SKI: variants seen among roughly 807,000 people sequenced by gnomAD.
The protein encoded by SKI is ski oncogene.
Under a neutral mutation model 59.3 loss-of-function variants are expected in SKI, and 23 were observed. That is an observed-to-expected ratio of 0.39 (90% CI 0.28 to 0.55). The LOEUF (loss-of-function observed/expected upper bound fraction) is 0.55. SKI is among the 20% of genes least tolerant of loss of function. The pLI is 0.67. For synonymous variants in SKI, 673 were observed against 488.6 expected, an observed-to-expected ratio of 1.38 and a Z score of -4.98; for missense variants, 1,017 against 1,038.9, an observed-to-expected ratio of 0.98 and a Z score of 0.29.
intron 6 of SKI, 135 bp downstream of exon 6, chr1:2,306,385 C>T (rs1245382416): frequency 9.8e-7 from 1 of 1,015,446 alleles, no homozygotes; most frequent in Non-Finnish European, 1.4e-6. Flanking sequence ...TGCGTGCCCC[C>T]CCGACGGGCA....
At chr1:2,262,414 G>A (rs111256284) in intron 1 of SKI, among the ~76,000 whole-genome samples, 1 of 150,346 alleles carries the variant, frequency 6.7e-6, no homozygotes, top group African/African-American at 2.4e-5. Flanking sequence ...TCTGGAAGGC[G>A]TGGAGTCAGA....
In SKI at chr1:2,304,100, A is replaced by G; in HGVS notation, c.1472A>G (p.Glu491Gly). Residue 491 changes from glutamate to glycine, a missense_variant and splice_region_variant, in exon 4 of 7, where the codon GAA (glutamate) becomes GGA (glycine). Coordinates refer to ENST00000378536, the MANE Select transcript of SKI (RefSeq NM_003036.4). ...GAGGTGGAAGTTGAAAGCAGGGAGG[A>G]ATGTACGTGTGAGTCGCTTTCTGTG... is the stretch of plus-strand genomic sequence containing the variant. ...EAEVEVESRE[E>G]FTSSLSSLSS... The G allele has an allele frequency of 6.2e-7, 1 of 1,612,350 alleles. No homozygotes were observed. Among genetic ancestry groups the G allele is most frequent in the South Asian group, 1.1e-5 (1 of 91,024 alleles).
chr1:2,295,857 C>T lies in SKI; in HGVS notation c.970-7121C>T, dbSNP rs1640273244. 1.3e-5 allele frequency among the ~76,000 whole-genome samples: 2 copies of T among 152,212 alleles called. 1 individual carries two copies. The highest frequency in any genetic ancestry group is 2.9e-5 in the Non-Finnish European group (2 of 68,046). On this transcript the variant is annotated intron_variant, in intron 1 of 6. Transcript: ENST00000378536. ...CTATCCCGTCATTTGTCTCTGGATG[C>T]TTGGGTGGCTGCACTTTGCTGCTGT...
At chr1:2,297,313 AC>A (rs1640308458) in intron 1 of SKI, among the ~76,000 whole-genome samples, 1 of 152,182 alleles carries the variant, frequency 6.6e-6, no homozygotes, top group Non-Finnish European at 1.5e-5. Flanking sequence ...GGAATAGCAG[AC>A]GGGTTTTCAG....
At chr1:2,301,625 C>T (rs1032172382) in intron 1 of SKI, among the ~76,000 whole-genome samples, 2 of 152,166 alleles carry the variant, frequency 1.3e-5, no homozygotes, top group African/African-American at 4.8e-5. Flanking sequence ...CCCATCTTCC[C>T]CCTAGGGAAG....
chr1:2,304,327 C>G lies in SKI; in HGVS notation c.1509C>G (p.Ser503=), dbSNP rs1338756413. The G allele has an allele frequency of 2.6e-6, 4 of 1,551,690 alleles. No individual in the cohort carries two copies. The highest frequency in any genetic ancestry group is 1.2e-5 in the South Asian group (1 of 84,070). ...TSSLSSLSSP[S]FTSSSSAKDL... is the part of the protein sequence containing the mutation. ...CCTTGTCCTCGCTCTCTTCCCCGTCCTTTACCTCATCCAGCTCCGCCAAGG... is the reference window on the plus strand; with the variant it reads ...CCTTGTCCTCGCTCTCTTCCCCGTCGTTTACCTCATCCAGCTCCGCCAAGG... The change falls in exon 5 of 7, where the codon TCC becomes TCG. Residue 503 remains serine (S), a synonymous_variant. Transcript: ENST00000378536.
intron 1 of SKI, among the ~76,000 whole-genome samples, chr1:2,274,316 G>A (rs1639695001): frequency 6.6e-6 from 1 of 152,156 alleles, no homozygotes; most frequent in Non-Finnish European, 1.5e-5. Context: ...TCCCAGGCTT[G>A]GGGCTGCCGG....
intron 5 of SKI, 82 bp from the exon 6 acceptor site, chr1:2,305,938 G>C (rs929463313): frequency 2.8e-6 from 3 of 1,071,560 alleles, no homozygotes; most frequent in East Asian, 5.2e-5. Context: ...GACCCCACGG[G>C]GTGGGCTGAG....
rs1168701289 is a variant in SKI at position 2,267,053 on chromosome 1, T to G, written c.970-35925T>G. ...CGGATGTGTTTTCCTTCTGCAATAATTTTGGCTACATTAAATTCGTTTTGT... is the reference window on the plus strand; with the variant it reads ...CGGATGTGTTTTCCTTCTGCAATAAGTTTGGCTACATTAAATTCGTTTTGT... On this transcript the variant is annotated intron_variant, in intron 1 of 6. Transcript: ENST00000378536. This position sits in a 1 kb window ranked among gnomAD's most constrained non-coding sequence, Gnocchi z 4.1. 6.6e-6 allele frequency among the ~76,000 whole-genome samples: 1 copy of G among 152,160 alleles called. No homozygotes were observed. The highest frequency in any genetic ancestry group is 1.5e-5 in the Non-Finnish European group (1 of 68,020).
intron 1 of SKI, among the ~76,000 whole-genome samples, chr1:2,301,914 C>T (rs192554451): frequency 6.6e-6 from 1 of 152,284 alleles, no homozygotes; most frequent in Admixed American, 6.5e-5. Flanking sequence ...GCCCTGGAGA[C>T]TCTGTGCTGT....
chr1:2,261,024 T>C (rs1362445902), intron 1 of SKI, among the ~76,000 whole-genome samples: 2 of 152,370 alleles, frequency 1.3e-5, no homozygotes, highest in East Asian at 3.9e-4. Context: ...TTCATTTCTT[T>C]GCCTAAGGTG....
In SKI at chr1:2,267,478, G is replaced by A. The variant is rs750431325; in HGVS notation, c.970-35500G>A. On this transcript the variant is annotated intron_variant, in intron 1 of 6. Transcript: ENST00000378536. The surrounding 1 kb of genome is among the most constrained non-coding windows in gnomAD (Gnocchi z 4.1). ...GCTGTCGGGAGACAAACCTCTTCCT[G>A]CTTCAATATCCCATTCGTTCCAGAG... 6.6e-6 allele frequency among the ~76,000 whole-genome samples: 1 copy of A among 152,220 alleles called. No individual in the cohort carries two copies. The highest frequency in any genetic ancestry group is 1.5e-5 in the Non-Finnish European group (1 of 68,046).
intron 1 of SKI, among the ~76,000 whole-genome samples, chr1:2,257,660 C>T (rs764136025): frequency 1.3e-5 from 2 of 152,174 alleles, no homozygotes; most frequent in Non-Finnish European, 2.9e-5. Flanking sequence ...TTTCCTCATG[C>T]TTTTGAATTA....
chr1:2,241,485 C>T (rs945130906), intron 1 of SKI, among the ~76,000 whole-genome samples: 5 of 152,106 alleles, frequency 3.3e-5, no homozygotes, highest in South Asian at 4.1e-4. Context: ...CTCTGTCTCC[C>T]GGGTTCACGC....
At chr1:2,243,124 T>G (rs1638916343) in intron 1 of SKI, among the ~76,000 whole-genome samples, 1 of 152,228 alleles carries the variant, frequency 6.6e-6, no homozygotes, top group African/African-American at 2.4e-5. Flanking sequence ...GGTGCCTTTT[T>G]GGGCCAGCCC....
chr1:2,305,258 A>G (rs2643904), intron 5 of SKI, among the ~76,000 whole-genome samples: 135,741 of 152,248 alleles, frequency 0.89, 60,786 homozygotes, highest in African/African-American at 0.97. Context: ...GACTGAGGGA[A>G]GTGCGGTTCA....
At chr1:2,285,249 A>G (rs1228787374) in intron 1 of SKI, among the ~76,000 whole-genome samples, 1 of 152,130 alleles carries the variant, frequency 6.6e-6, no homozygotes, top group Admixed American at 6.6e-5. Context: ...GCAGTGGCTC[A>G]CACCTGGAAT....
chr1:2,243,879 A>T (rs1482260434), intron 1 of SKI, among the ~76,000 whole-genome samples: 1 of 152,082 alleles, frequency 6.6e-6, no homozygotes, highest in Non-Finnish European at 1.5e-5. Context: ...GTGTGCTTAG[A>T]TCTTTGTTCA....
intron 1 of SKI, among the ~76,000 whole-genome samples, chr1:2,298,137 G>C (rs1055009321): frequency 2.0e-5 from 3 of 152,196 alleles, no homozygotes; most frequent in African/African-American, 7.2e-5. Context: ...CTGCCACTGT[G>C]CGTTGTTCAC....
Sources: gnomAD v4.1 joint callset for allele counts (sites outside exome capture counted in the v4.1 genomes callset) on GRCh38, gnomAD v4.1.1 for gene constraint, Gnocchi (gnomAD v3.1) non-coding constraint, MANE v1.5 for transcripts, NCBI Gene and HGNC (gene_info 2026-07-23, HGNC 2026-07-21) for gene names.